The following GPATCH2L variants were observed in gnomAD, a reference collection of about 807,000 sequenced individuals.
GPATCH2L encodes G patch domain-containing protein 2-like.
Under a neutral mutation model 57.4 loss-of-function variants are expected in GPATCH2L, and 31 were observed. That is an observed-to-expected ratio of 0.54 (90% CI 0.41 to 0.73). The LOEUF is 0.73. GPATCH2L is among the 30% of genes least tolerant of loss of function. The pLI, the probability that GPATCH2L is intolerant of heterozygous loss-of-function variation, is 0.00. For missense variants in GPATCH2L, 481 were observed against 599.9 expected, an observed-to-expected ratio of 0.80 and a Z score of 2.07; for synonymous variants, 199 against 210.7, an observed-to-expected ratio of 0.94 and a Z score of 0.48.
intron 8 of GPATCH2L, among the ~76,000 whole-genome samples, chr14:76,185,869 A>T (rs755186308): frequency 6.6e-6 from 1 of 152,138 alleles, no homozygotes; most frequent in Non-Finnish European, 1.5e-5. Context: ...TTCATAGTCC[A>T]TTGGCATAGG....
At chr14:76,192,413 G>A (rs920068219) in intron 8 of GPATCH2L, among the ~76,000 whole-genome samples, 1 of 152,094 alleles carries the variant, frequency 6.6e-6, no homozygotes, top group African/African-American at 2.4e-5. Context: ...TACTGACAGC[G>A]AAGATATGAT....
chr14:76,227,496 T>G (rs1046295218), intron 1 of GPATCH2L, among the ~76,000 whole-genome samples: 2 of 152,242 alleles, frequency 1.3e-5, no homozygotes, highest in East Asian at 3.9e-4. Context: ...GTTGATTCCT[T>G]GTGGAGAGAC....
At chr14:76,177,565 T>C (rs2039382223) in intron 6 of GPATCH2L, among the ~76,000 whole-genome samples, 1 of 152,062 alleles carries the variant, frequency 6.6e-6, no homozygotes, top group South Asian at 2.1e-4. Flanking sequence ...GTGGGTGTGG[T>C]TTATGCCCTT....
chr14:76,185,010 C>T (rs2039712606), intron 8 of GPATCH2L, among the ~76,000 whole-genome samples: 1 of 152,332 alleles, frequency 6.6e-6, no homozygotes, highest in Non-Finnish European at 1.5e-5. Context: ...GTATGGTATG[C>T]ACCATTCCTT....
intron 8 of GPATCH2L, among the ~76,000 whole-genome samples, chr14:76,194,165 C>G (rs1450361080): frequency 1.3e-5 from 2 of 152,084 alleles, no homozygotes. Flanking sequence ...AGACTTGTTC[C>G]CAGGATTTAT....
At chr14:76,228,860 G>C (rs114288455) in intron 1 of GPATCH2L, among the ~76,000 whole-genome samples, 1,940 of 152,248 alleles carry the variant, frequency 0.013, 40 homozygotes, top group African/African-American at 0.042. Context: ...TTTCCCTTTG[G>C]GGGGCCTGGA....
intron 6 of GPATCH2L, among the ~76,000 whole-genome samples, chr14:76,177,386 G>A (rs1034452113): frequency 9.2e-5 from 14 of 151,964 alleles, no homozygotes; most frequent in African/African-American, 3.1e-4. Flanking sequence ...GGTGAGTGCT[G>A]TAGGAAGCCT....
At position 76,206,772 on chromosome 14, in the gene GPATCH2L, TG is replaced by T. The variant is rs1318304547; in HGVS notation, c.*4922del. The T allele has an allele frequency of 6.6e-6, 1 of 152,294 alleles. No homozygotes were observed. The highest frequency in any genetic ancestry group is 2.4e-5 in the African/African-American group (1 of 41,464). The allele number at this position is 152,294 out of a possible 1,614,324, so 9.4% of individuals were successfully genotyped here. On this transcript the variant is annotated 3_prime_UTR_variant, in exon 10 of 10. Transcript: ENST00000261530. ...GGGGTCTTTGGTGCATGCTCAAGTT[TG>T]AGAACCATAGGCTTTGCCACGGTTA...
chr14:76,154,752 G>T lies in GPATCH2L; in HGVS notation c.389G>T (p.Arg130Leu), dbSNP rs1447280646. 6 of 1,614,108 alleles carry T rather than the reference G, an allele frequency of 3.7e-6. No homozygotes were observed. The South Asian group carries it at 6.6e-5, about 18-fold the overall frequency. Residue 130 changes from arginine (R) to leucine (L), a missense_variant, in exon 2 of 10, where the codon CGG becomes CTG. Physicochemically the swap from Arg to Leu is moderately radical, Grantham distance 102. This residue lies in a region of GPATCH2L where 208 missense variants were observed against 272.4 expected (regional missense o/e 0.76). Coordinates refer to ENST00000261530, the MANE Select transcript of GPATCH2L (RefSeq NM_017926.4). This position sits in a 1 kb window ranked among gnomAD's most constrained non-coding sequence, Gnocchi z 4.4. ...CCTTGTCGACCACTCAGGCGCAGGC[G>T]GAAGGTGAAGCGAGTGACATCAGAG... ...NAPCRPLRRR[R>L]KVKRVTSEVA...
chr14:76,171,666 G>C (rs976202264), intron 3 of GPATCH2L, among the ~76,000 whole-genome samples, 177 bp from the exon 4 acceptor site: 16 of 151,090 alleles, frequency 1.1e-4, no homozygotes, highest in Non-Finnish European at 1.5e-4. Flanking sequence ...AGGATTGCCT[G>C]AACATGTGAT....
At chr14:76,195,449 A>G (rs997524629) in intron 8 of GPATCH2L, among the ~76,000 whole-genome samples, 4 of 152,226 alleles carry the variant, frequency 2.6e-5, no homozygotes, top group East Asian at 1.9e-4. Context: ...TCAGATTTAC[A>G]TGACAGGAGG....
At chr14:76,168,123 G>A (rs1275658004) in intron 3 of GPATCH2L, among the ~76,000 whole-genome samples, 2 of 152,208 alleles carry the variant, frequency 1.3e-5, no homozygotes, top group African/African-American at 2.4e-5. Context: ...CGTTCTCAAC[G>A]TAAAGCTATG....
At chr14:76,165,688 CTTAAT>C (rs2038801817) in intron 2 of GPATCH2L, among the ~76,000 whole-genome samples, 1 of 152,020 alleles carries the variant, frequency 6.6e-6, no homozygotes, top group African/African-American at 2.4e-5. Context: ...AGCATTGCTC[CTTAAT>C]TTAATTGGCA....
chr14:76,185,011 A>G (rs1165690094), intron 8 of GPATCH2L, among the ~76,000 whole-genome samples: 3 of 152,202 alleles, frequency 2.0e-5, no homozygotes, highest in Non-Finnish European at 4.4e-5. Flanking sequence ...TATGGTATGC[A>G]CCATTCCTTA....
chr14:76,229,475 A>G (rs1470501500), intron 1 of GPATCH2L, among the ~76,000 whole-genome samples: 1 of 152,096 alleles, frequency 6.6e-6, no homozygotes, highest in Admixed American at 6.6e-5. Flanking sequence ...AACTCTTAGA[A>G]AGTGTTTTCT....
intron 7 of GPATCH2L, chr14:76,178,414 T>C (rs2039425663): frequency 5.3e-6 from 2 of 377,736 alleles, no homozygotes; most frequent in East Asian, 8.0e-5. Flanking sequence ...GAAGACAGTT[T>C]TTCCATGGAC....
intron 6 of GPATCH2L, 21 bp from the exon 7 acceptor site, chr14:76,177,967 A>C: frequency 6.2e-7 from 1 of 1,603,324 alleles, no homozygotes; most frequent in East Asian, 2.2e-5. Flanking sequence ...TTATTTTATC[A>C]TTTGGTTTCC....
chr14:76,229,084 A>G (rs765901984), intron 1 of GPATCH2L, among the ~76,000 whole-genome samples: 2 of 152,238 alleles, frequency 1.3e-5, no homozygotes, highest in African/African-American at 2.4e-5. Flanking sequence ...ACAGGGCTGC[A>G]GCCCACAGCC....
At chr14:76,176,921 T>C (rs2039353332) in intron 6 of GPATCH2L, among the ~76,000 whole-genome samples, 1 of 152,332 alleles carries the variant, frequency 6.6e-6, no homozygotes, top group Admixed American at 6.5e-5. Context: ...GATGCTGCAT[T>C]AGTAGCCTCC....
Sources: gnomAD v4.1 joint callset for allele counts (sites outside exome capture counted in the v4.1 genomes callset) on GRCh38, gnomAD v4.1.1 for gene constraint, gnomAD v4.1.1 regional missense constraint, Gnocchi (gnomAD v3.1) non-coding constraint, MANE v1.5 for transcripts, NCBI Gene and HGNC (gene_info 2026-07-23, HGNC 2026-07-21) for gene names.